KTN1: variants seen among roughly 807,000 people sequenced by gnomAD.
KTN1 encodes kinectin 1.
Under a neutral mutation model 222.5 loss-of-function variants are expected in KTN1, and 130 were observed. The ratio of observed to expected loss-of-function variants is 0.58; its 90% CI spans 0.51 to 0.68. The LOEUF is 0.68. Ranked by LOEUF, KTN1 falls within the 30% of genes least tolerant of loss-of-function variation. The pLI is 0.00. For missense variants in KTN1, 1,508 were observed against 1,500.4 expected (o/e 1.01, Z -0.08); for synonymous variants, 512 against 496.3 (o/e 1.03, Z -0.42).
At position 55,639,979 on chromosome 14, in the gene KTN1, A is replaced by G. The variant is rs745521891; in HGVS notation, c.1890A>G (p.Leu630=). The change falls in exon 14 of 44, where the codon TTA becomes TTG. Residue 630 remains leucine (L), a synonymous_variant. Coordinates refer to ENST00000395314, the MANE Select transcript of KTN1 (RefSeq NM_001079521.2). ...CTTTAGCAAGTGAACGTGATCGTTT[A>G]ACAAGTAAAGAAGAGGAACTTAAGG... ...EDSLASERDR[L]TSKEEELKDI... is the part of the protein sequence containing the mutation. 5 of 1,605,152 alleles carry G rather than the reference A, an allele frequency of 3.1e-6. No homozygotes were observed. Among genetic ancestry groups the G allele is most frequent in the Non-Finnish European group, 4.3e-6 (5 of 1,172,478 alleles).
At chr14:55,662,162 G>A (rs375357453) in intron 32 of KTN1, among the ~76,000 whole-genome samples, 2 of 150,912 alleles carry the variant, frequency 1.3e-5, no homozygotes, top group East Asian at 1.9e-4. Flanking sequence ...GGCCTCCTGG[G>A]TTCAGGCGAT....
chr14:55,641,948 A>G (rs1022827497), intron 18 of KTN1, among the ~76,000 whole-genome samples, 188 bp downstream of exon 18: 2 of 152,190 alleles, frequency 1.3e-5, no homozygotes, highest in African/African-American at 4.8e-5. Context: ...GCTAATGCCA[A>G]TCTGCTCAAA....
chr14:55,619,431 C>A lies in KTN1; in HGVS notation c.963+119C>A. ...ATCCTTAACATCTCAGAACATACAT[C>A]TGGAATGCCTTCAGAAATTACTTTA... On this transcript the variant is annotated intron_variant, in intron 5 of 43. Transcript: ENST00000395314. 4.5e-6 allele frequency: 4 copies of A among 887,102 alleles called. No homozygotes were observed. In the Admixed American group the frequency reaches 6.8e-5, roughly 15 times the overall value. 55.0% of individuals were successfully genotyped at this position (887,102 alleles called of 1,614,324 possible).
rs377346832 is a variant in KTN1 at position 55,636,532 on chromosome 14, G to A, written c.1545G>A (p.Gln515=). The part of the protein sequence containing the change: ...RKRTAEHEAA[Q]QDLQSKFVAK... ...GAACAGCGGAACATGAGGCAGCACA[G>A]CAAGGTAAGGGGAAGAAGTATTCAT... is the stretch of plus-strand genomic sequence containing the variant. Residue 515 remains glutamine (Q), a synonymous_variant, in exon 10 of 44, where the codon CAG becomes CAA. Transcript: ENST00000395314. 5 of 1,604,632 alleles carry A rather than the reference G, an allele frequency of 3.1e-6. No homozygotes were observed. The African/African-American group carries it at 4.0e-5, about 13-fold the overall frequency.
rs762402165 is a variant in KTN1, at chr14:55,651,911, C to G, written c.2587C>G (p.Gln863Glu). The change falls in exon 25 of 44, where the codon CAG becomes GAG. Residue 863 changes from glutamine (Q) to glutamate (E), a missense_variant. By Grantham distance (29) the Gln-to-Glu change is conservative. Coordinates refer to ENST00000395314, the MANE Select transcript of KTN1 (RefSeq NM_001079521.2). ...TCAGTTATCTATCACTTCCAAAGTT[C>G]AGGAGCTTCAGAACTTGTAAGTACC... ...AQQLSITSKV[Q>E]ELQNLLKGKE... 4 of 1,571,854 alleles carry G rather than the reference C, an allele frequency of 2.5e-6. No individual in the cohort carries two copies. In the East Asian group the frequency reaches 9.0e-5, roughly 35 times the overall value.
At chr14:55,588,247 T>A (rs1239004515) in intron 1 of KTN1, among the ~76,000 whole-genome samples, 2 of 152,216 alleles carry the variant, frequency 1.3e-5, no homozygotes, top group African/African-American at 4.8e-5. Context: ...TAAGAGACTG[T>A]GTATTTACAA....
intron 1 of KTN1, among the ~76,000 whole-genome samples, chr14:55,587,048 A>C (rs1389238809): frequency 6.6e-6 from 1 of 152,098 alleles, no homozygotes; most frequent in Non-Finnish European, 1.5e-5. Flanking sequence ...TAATACGCTT[A>C]TTTCTTTCTT....
At chr14:55,619,074 G>A (rs765207208) in intron 4 of KTN1, 108 bp from the exon 5 acceptor site, 22 of 799,296 alleles carry the variant, frequency 2.8e-5, no homozygotes, top group Non-Finnish European at 4.0e-5. Context: ...GTTTTCTTTC[G>A]GTTATTGACT....
chr14:55,627,420 T>A (rs1222225248), intron 5 of KTN1, among the ~76,000 whole-genome samples: 3 of 152,172 alleles, frequency 2.0e-5, no homozygotes, highest in Non-Finnish European at 4.4e-5. Flanking sequence ...TTTCATAATT[T>A]TTTTTTAATC....
intron 40 of KTN1, chr14:55,675,592 G>C (rs1386626327): frequency 2.8e-6 from 1 of 359,258 alleles, no homozygotes; most frequent in East Asian, 4.3e-5. Context: ...TGATGGTTTT[G>C]TTTTTGCATT....
chr14:55,661,708 A>G (rs1055407112), intron 32 of KTN1, 96 bp downstream of exon 32: 6 of 613,198 alleles, frequency 9.8e-6, no homozygotes, highest in African/African-American at 7.6e-5. Context: ...TTTACTTTAG[A>G]TTTCTTAATC....
At chr14:55,587,008 C>G (rs1417295141) in intron 1 of KTN1, among the ~76,000 whole-genome samples, 1 of 152,142 alleles carries the variant, frequency 6.6e-6, no homozygotes, top group Non-Finnish European at 1.5e-5. Context: ...TATTTTTATT[C>G]ATTGCATTAT....
At chr14:55,644,746 G>C (rs944283244) in intron 18 of KTN1, among the ~76,000 whole-genome samples, 3 of 151,730 alleles carry the variant, frequency 2.0e-5, no homozygotes, top group Admixed American at 6.6e-5. Flanking sequence ...TATTGTATAT[G>C]GTTTAGTTTT....
At chr14:55,669,709 T>C (rs1198756803) in intron 34 of KTN1, among the ~76,000 whole-genome samples, 1 of 152,004 alleles carries the variant, frequency 6.6e-6, no homozygotes, top group Non-Finnish European at 1.5e-5. Context: ...AGGATTCTGA[T>C]AGTGTACATT....
At chr14:55,647,060 A>AT in intron 19 of KTN1, 53 bp downstream of exon 19, 5 of 1,070,774 alleles carry the variant, frequency 4.7e-6, no homozygotes, top group Non-Finnish European at 7.1e-6. Flanking sequence ...TACCAAATTA[A>AT]CTACATTAAT....
intron 5 of KTN1, among the ~76,000 whole-genome samples, chr14:55,625,820 A>G (rs2039743344): frequency 2.0e-5 from 3 of 151,930 alleles, no homozygotes; most frequent in Admixed American, 2.0e-4. Flanking sequence ...CTTTATTCAT[A>G]TTGCTGGTAG....
At chr14:55,596,711 A>G (rs1336423199) in intron 1 of KTN1, among the ~76,000 whole-genome samples, 1 of 152,148 alleles carries the variant, frequency 6.6e-6, no homozygotes, top group Non-Finnish European at 1.5e-5. Context: ...TCTTGGCGTT[A>G]GCTCCCTAAG....
intron 38 of KTN1, 49 bp downstream of exon 38, chr14:55,672,750 A>C (rs753789610): frequency 1.6e-6 from 2 of 1,288,238 alleles, no homozygotes; most frequent in African/African-American, 2.9e-5. Context: ...TGTTTTTAGC[A>C]TTAACGGTTG....
chr14:55,648,159 A>G, intron 20 of KTN1, 44 bp downstream of exon 20: 2 of 952,744 alleles, frequency 2.1e-6, no homozygotes, highest in Non-Finnish European at 3.2e-6. Flanking sequence ...TTATTCAGTG[A>G]CATAAAAGGA....
Sources: allele counts gnomAD v4.1 joint callset (sites outside exome capture counted in the v4.1 genomes callset), GRCh38; gene constraint gnomAD v4.1.1; transcripts MANE v1.5; gene names NCBI Gene and HGNC (gene_info 2026-07-23, HGNC 2026-07-21).